Variants in BTBD9 observed in about 807,000 individuals in gnomAD.
The protein encoded by BTBD9 is BTB/POZ domain-containing protein 9.
A neutral mutation model predicts 64.3 loss-of-function variants in BTBD9; 49 were observed. That is an observed-to-expected ratio of 0.76 (90% CI 0.61 to 0.97). The LOEUF (loss-of-function observed/expected upper bound fraction) is 0.97, where lower values mean the gene tolerates loss of function less well. BTBD9 is among the 50% of genes least tolerant of loss of function. The pLI, the probability that BTBD9 is intolerant of heterozygous loss-of-function variation, is 0.00. For synonymous variants in BTBD9, 260 were observed against 274.7 expected (o/e 0.95, Z 0.53); for missense variants, 598 against 762.1 (o/e 0.78, Z 2.53).
At chr6:38,381,856 A>G (rs1217202784) in intron 6 of BTBD9, among the ~76,000 whole-genome samples, 1 of 152,170 alleles carries the variant, frequency 6.6e-6, no homozygotes, top group Non-Finnish European at 1.5e-5. Context: ...ATTTCCAAAG[A>G]ATCCACGGGT....
At chr6:38,431,046 T>C (rs1228562464) in intron 6 of BTBD9, among the ~76,000 whole-genome samples, 2 of 151,982 alleles carry the variant, frequency 1.3e-5, no homozygotes, top group African/African-American at 4.9e-5. Flanking sequence ...CTCTACGCCT[T>C]TGTCTTGACC....
chr6:38,374,028 TG>T (rs966578425), intron 6 of BTBD9, among the ~76,000 whole-genome samples: 2 of 151,508 alleles, frequency 1.3e-5, no homozygotes, highest in African/African-American at 4.9e-5. Context: ...CCCAGCACTT[TG>T]GGAGGCCAAG....
intron 10 of BTBD9, among the ~76,000 whole-genome samples, chr6:38,191,466 G>A (rs1471660989): frequency 6.6e-6 from 1 of 152,192 alleles, no homozygotes; most frequent in African/African-American, 2.4e-5. Flanking sequence ...CTCTCAAGCT[G>A]TCACGCTGGT....
chr6:38,350,285 A>T (rs1346049899), intron 6 of BTBD9, among the ~76,000 whole-genome samples: 1 of 152,178 alleles, frequency 6.6e-6, no homozygotes, highest in Non-Finnish European at 1.5e-5. Context: ...GCTTTCCGTC[A>T]TTGCTTATGA....
At chr6:38,529,428 C>T (rs1192192205) in intron 6 of BTBD9, among the ~76,000 whole-genome samples, 1 of 152,194 alleles carries the variant, frequency 6.6e-6, no homozygotes, top group Non-Finnish European at 1.5e-5. Flanking sequence ...TGACCAAAGA[C>T]TTAGATCCCT....
chr6:38,629,090 T>C (rs1778274709), intron 1 of BTBD9, among the ~76,000 whole-genome samples: 1 of 151,202 alleles, frequency 6.6e-6, no homozygotes, highest in Non-Finnish European at 1.5e-5. Context: ...AACATAAGAA[T>C]CCATGAGATC....
chr6:38,566,942 T>C (rs912106850), intron 6 of BTBD9, among the ~76,000 whole-genome samples: 3 of 152,144 alleles, frequency 2.0e-5, no homozygotes, highest in Non-Finnish European at 4.4e-5. Context: ...TAAATCCTAC[T>C]CTCTCTAACA....
intron 10 of BTBD9, among the ~76,000 whole-genome samples, chr6:38,190,069 C>T (rs528726364): frequency 1.1e-3 from 169 of 151,802 alleles, no homozygotes; most frequent in African/African-American, 3.7e-3. Flanking sequence ...GCCTCAGCCT[C>T]CCAAAGTGTT....
At position 38,202,306 on chromosome 6, in the gene BTBD9, C is replaced by T. The variant is rs1260948204; in HGVS notation, c.1563-9709G>A. Among the ~76,000 whole-genome samples the T allele has an allele frequency of 2.0e-5, 3 of 151,712 alleles. No homozygotes were observed. In the South Asian group the frequency reaches 6.2e-4, roughly 32 times the overall value. ...TTCACCATGTTGGCCAGGATGGTCT[C>T]CATCTCTTGACCTAATGAACCACCT... On this transcript the variant is annotated intron_variant, in intron 9 of 10. Transcript: ENST00000481247.
intron 10 of BTBD9, among the ~76,000 whole-genome samples, chr6:38,181,590 G>A (rs925621543): frequency 1.4e-4 from 21 of 152,326 alleles, no homozygotes; most frequent in African/African-American, 4.3e-4. Flanking sequence ...CTGCAGAGAT[G>A]TTTTGTTTTT....
At chr6:38,488,746 T>C (rs1352053085) in intron 6 of BTBD9, among the ~76,000 whole-genome samples, 1 of 152,200 alleles carries the variant, frequency 6.6e-6, no homozygotes, top group Non-Finnish European at 1.5e-5. Context: ...TAATGCTTTT[T>C]TGAATTTCAA....
chr6:38,539,213 T>C (rs116061532), intron 6 of BTBD9, among the ~76,000 whole-genome samples: 1 of 152,202 alleles, frequency 6.6e-6, no homozygotes, highest in Non-Finnish European at 1.5e-5. Context: ...ATTACAGGCA[T>C]GAGCCACCGC....
intron 6 of BTBD9, among the ~76,000 whole-genome samples, chr6:38,355,135 AT>A (rs1764668532): frequency 6.6e-6 from 1 of 152,184 alleles, no homozygotes; most frequent in African/African-American, 2.4e-5. Context: ...AAATCTGTCA[AT>A]GTGTTAGAAC....
intron 1 of BTBD9, among the ~76,000 whole-genome samples, chr6:38,617,222 G>A (rs147671686): frequency 5.9e-5 from 9 of 152,238 alleles, no homozygotes; most frequent in African/African-American, 1.9e-4. Flanking sequence ...GGGCTGAGCC[G>A]AGGGTCAACA....
intron 6 of BTBD9, among the ~76,000 whole-genome samples, chr6:38,442,190 A>G (rs995220069): frequency 6.6e-6 from 1 of 152,126 alleles, no homozygotes; most frequent in African/African-American, 2.4e-5. Flanking sequence ...GTGAATTCCT[A>G]TAATAACAGA....
intron 6 of BTBD9, among the ~76,000 whole-genome samples, chr6:38,369,733 C>G (rs4711539): frequency 0.69 from 104,647 of 152,158 alleles, 37,556 homozygotes; most frequent in East Asian, 0.95. Flanking sequence ...TCTGGTGCCG[C>G]GCTACCTGTT....
At chr6:38,433,920 T>C (rs1768577063) in intron 6 of BTBD9, among the ~76,000 whole-genome samples, 2 of 151,992 alleles carry the variant, frequency 1.3e-5, no homozygotes, top group Admixed American at 1.3e-4. Context: ...AATCGCTATT[T>C]GCTGAAAGTG....
At chr6:38,432,013 G>A (rs1211832435) in intron 6 of BTBD9, among the ~76,000 whole-genome samples, 1 of 151,904 alleles carries the variant, frequency 6.6e-6, no homozygotes, top group East Asian at 1.9e-4. Context: ...AGATCTTTAA[G>A]AGGGACTAAT....
chr6:38,275,066 T>C lies in BTBD9; in HGVS notation c.1454+13206A>G, dbSNP rs1234694807. Among the ~76,000 whole-genome samples, 7 of 152,168 alleles carry C rather than the reference T, an allele frequency of 4.6e-5. No individual in the cohort carries two copies. The East Asian group carries it at 5.8e-4, about 13-fold the overall frequency. ...TCAATCCTAAGCCAAAAGAACAAAG[T>C]CGGAGGCATCACGCTACCTGACTTC... On this transcript the variant is annotated intron_variant, in intron 8 of 10. Transcript: ENST00000481247.
Sources: allele counts gnomAD v4.1 joint callset (sites outside exome capture counted in the v4.1 genomes callset), GRCh38; gene constraint gnomAD v4.1.1; transcripts MANE v1.5; gene names NCBI Gene and HGNC (gene_info 2026-07-23, HGNC 2026-07-21).